ABR: variants seen among roughly 807,000 people sequenced by gnomAD.
ABR encodes active breakpoint cluster region-related protein.
ABR carries 35 observed loss-of-function variants against 107.2 expected under a neutral mutation model. The observed-to-expected ratio is 0.33, with a 90% CI of 0.25 to 0.43. ABR has a LOEUF of 0.43. ABR is among the 20% of genes least tolerant of loss of function. ABR has a pLI of 1.00. For synonymous variants in ABR, 498 were observed against 462.0 expected, an observed-to-expected ratio of 1.08 and a Z score of -1.00; for missense variants, 815 against 1,115.2, an observed-to-expected ratio of 0.73 and a Z score of 3.83.
intron 4 of ABR, among the ~76,000 whole-genome samples, chr17:1,089,809 A>C (rs2036896008): frequency 6.6e-6 from 1 of 152,026 alleles, no homozygotes; most frequent in Non-Finnish European, 1.5e-5. Flanking sequence ...AAAATACAAA[A>C]ATTAGCCGGG....
intron 16 of ABR, among the ~76,000 whole-genome samples, chr17:1,029,976 G>T (rs371081002): frequency 7.0e-6 from 1 of 143,310 alleles, no homozygotes; most frequent in African/African-American, 2.6e-5. Flanking sequence ...CACAGCACAC[G>T]TTAGGGGATG....
intron 16 of ABR, among the ~76,000 whole-genome samples, chr17:1,022,106 CAA>C (rs759234729): frequency 1.0e-4 from 4 of 39,220 alleles, no homozygotes; most frequent in Non-Finnish European, 1.3e-4. Flanking sequence ...GACTCTGTCT[CAA>C]AAAAAAAAAA....
chr17:1,189,015 C>T (rs2042375328), upstream of ABR, among the ~76,000 whole-genome samples: 1 of 152,212 alleles, frequency 6.6e-6, no homozygotes, highest in African/African-American at 2.4e-5. Flanking sequence ...ATTTCCTCTT[C>T]CCCAAGCTCT....
At chr17:1,135,817 A>C (rs11651025) in intron 1 of ABR, among the ~76,000 whole-genome samples, 82,531 of 151,960 alleles carry the variant, frequency 0.54, 22,670 homozygotes, top group East Asian at 0.67. Flanking sequence ...CGGAGGTTGC[A>C]GTGAGGCAAG....
chr17:1,087,742 C>T (rs1460457801), intron 4 of ABR, among the ~76,000 whole-genome samples: 1 of 152,140 alleles, frequency 6.6e-6, no homozygotes, highest in East Asian at 1.9e-4. Flanking sequence ...GCTCCTCTTG[C>T]CCCCTTTCCC....
chr17:1,036,668 CG>C (rs2073203064), intron 16 of ABR, among the ~76,000 whole-genome samples: 1 of 151,890 alleles, frequency 6.6e-6, no homozygotes, highest in Non-Finnish European at 1.5e-5. Flanking sequence ...GCGAGTTGGG[CG>C]GGAGGATGGC....
Position 1,011,765 on chromosome 17 carries a change from G to T in ABR, c.2101+81C>A. The T allele has an allele frequency of 1.4e-6, 2 of 1,477,296 alleles. No individual in the cohort carries two copies. The highest frequency in any genetic ancestry group is 1.8e-6 in the Non-Finnish European group (2 of 1,111,652). The allele number at this position is 1,477,296 out of a possible 1,614,324, so 91.5% of individuals were successfully genotyped here. ...AGCCTCCTCTCCAGGGAGGCTCCTG[G>T]TTCCCCCGAGCTCTCCTGTCCATCC... is the stretch of plus-strand genomic sequence containing the variant. On this transcript the variant is annotated intron_variant, in intron 19 of 22. Coordinates refer to ENST00000302538, the MANE Select transcript of ABR (RefSeq NM_021962.5). This position sits in a 1 kb window ranked among gnomAD's most constrained non-coding sequence, Gnocchi z 4.8.
chr17:1,212,552 C>T (rs1175542338), intron 1 of ABR, among the ~76,000 whole-genome samples: 3 of 151,820 alleles, frequency 2.0e-5, no homozygotes, highest in Non-Finnish European at 2.9e-5. Context: ...GTCAGGAGCT[C>T]GAGACTGGCC....
chr17:1,105,240 C>G (rs2261751), intron 2 of ABR, among the ~76,000 whole-genome samples: 62,961 of 151,748 alleles, frequency 0.41, 13,151 homozygotes, highest in South Asian at 0.5. Context: ...AACTCCTGAC[C>G]TCATGATCCA....
At chr17:1,043,159 C>G (rs1348057845) in intron 16 of ABR, among the ~76,000 whole-genome samples, 1 of 152,178 alleles carries the variant, frequency 6.6e-6, no homozygotes, top group Non-Finnish European at 1.5e-5. Flanking sequence ...GGCCACGGAG[C>G]TGTGCACCCA....
chr17:1,108,413 G>T (rs564271985), intron 2 of ABR, among the ~76,000 whole-genome samples: 3 of 152,214 alleles, frequency 2.0e-5, no homozygotes, highest in Non-Finnish European at 4.4e-5. Context: ...GTCCCGCCTC[G>T]GGAAGGGCAC....
intron 1 of ABR, among the ~76,000 whole-genome samples, chr17:1,136,521 G>A (rs1028640222): frequency 1.3e-5 from 2 of 152,096 alleles, no homozygotes; most frequent in Non-Finnish European, 2.9e-5. Flanking sequence ...GAGCCACCGC[G>A]CCTGGCCAAA....
At chr17:1,064,519 G>A (rs2034464005) in intron 10 of ABR, among the ~76,000 whole-genome samples, 1 of 129,044 alleles carries the variant, frequency 7.7e-6, no homozygotes, top group Non-Finnish European at 1.7e-5. Flanking sequence ...TGAGGGCTAT[G>A]CATGTTCCTC....
At chr17:1,172,947 T>TCCCC in intron 1 of ABR, among the ~76,000 whole-genome samples, 1 of 69,864 alleles carries the variant, frequency 1.4e-5, no homozygotes, top group African/African-American at 2.9e-5. Context: ...GAGCAGGTAA[T>TCCCC]CCACCCCCCC....
intron 1 of ABR, among the ~76,000 whole-genome samples, chr17:1,209,941 C>G (rs2042870449): frequency 6.6e-6 from 1 of 152,178 alleles, no homozygotes; most frequent in African/African-American, 2.4e-5. Flanking sequence ...CGAATCACAA[C>G]AAAGCTGCCA....
In ABR at chr17:1,197,023, T is replaced by A. The variant is rs562263563; in HGVS notation, c.838+31770A>T. Among the ~76,000 whole-genome samples the A allele has an allele frequency of 4.0e-5, 6 of 151,718 alleles. No individual in the cohort carries two copies. In the East Asian group the frequency reaches 1.2e-3, roughly 29 times the overall value. ...TCCGCCTTCCTAAGGAAGGACCCTG[T>A]GCTGCTCAGAAACCTTCCCAAATGC... On this transcript the variant is annotated intron_variant, in intron 1 of 22. Transcript: ENST00000574139.
intron 1 of ABR, among the ~76,000 whole-genome samples, chr17:1,211,808 C>T (rs1229215630): frequency 9.2e-5 from 14 of 152,102 alleles, no homozygotes; most frequent in African/African-American, 2.4e-4. Flanking sequence ...AGGCCGGCCA[C>T]GGTGGCTCAT....
chr17:1,060,863 A>G (rs750853437), intron 10 of ABR, among the ~76,000 whole-genome samples: 18 of 151,610 alleles, frequency 1.2e-4, no homozygotes, highest in Non-Finnish European at 2.1e-4. Flanking sequence ...GTGGTGGCGG[A>G]CGCCTTTATT....
At chr17:1,134,616 G>A (rs547849140) in intron 1 of ABR, among the ~76,000 whole-genome samples, 59 of 152,258 alleles carry the variant, frequency 3.9e-4, no homozygotes, top group African/African-American at 7.9e-4. Flanking sequence ...GAGAGGAAGC[G>A]AGTCCAATCA....
Sources: gnomAD v4.1 joint callset for allele counts (sites outside exome capture counted in the v4.1 genomes callset) on GRCh38, gnomAD v4.1.1 for gene constraint, Gnocchi (gnomAD v3.1) non-coding constraint, MANE v1.5 for transcripts, NCBI Gene and HGNC (gene_info 2026-07-23, HGNC 2026-07-21) for gene names.